IARS1: variants seen among roughly 807,000 people sequenced by gnomAD.
The protein encoded by IARS1 is isoleucyl-tRNA synthetase 1.
IARS1 carries 124 observed loss-of-function variants against 168.2 expected under a neutral mutation model. The ratio of observed to expected loss-of-function variants is 0.74; its 90% CI spans 0.64 to 0.86. IARS1 has a LOEUF of 0.86. IARS1 is among the 40% of genes least tolerant of loss of function. The pLI, the probability that IARS1 is intolerant of heterozygous loss-of-function variation, is 0.00. For synonymous variants in IARS1, 532 were observed against 529.4 expected (o/e 1.00, Z -0.07); for missense variants, 1,452 against 1,515.8 (o/e 0.96, Z 0.70).
intron 18 of IARS1, among the ~76,000 whole-genome samples, chr9:92,259,915 A>T (rs144704612): frequency 6.6e-6 from 1 of 152,256 alleles, no homozygotes; most frequent in East Asian, 1.9e-4. Context: ...GCTCAACAAC[A>T]CCCAACACAG....
At chr9:92,238,883 C>G (rs1340939753) in intron 30 of IARS1, among the ~76,000 whole-genome samples, 1 of 152,092 alleles carries the variant, frequency 6.6e-6, no homozygotes. Context: ...CTTAATGTTG[C>G]TGGTAGGTTC....
At chr9:92,230,148 T>C (rs1305719209) in intron 30 of IARS1, among the ~76,000 whole-genome samples, 1 of 152,130 alleles carries the variant, frequency 6.6e-6, no homozygotes, top group East Asian at 1.9e-4. Context: ...TTTAGCTTTG[T>C]CGCTCAGGCT....
At chr9:92,224,513 C>T (rs1436923009) in intron 31 of IARS1, among the ~76,000 whole-genome samples, 2 of 152,166 alleles carry the variant, frequency 1.3e-5, no homozygotes, top group South Asian at 2.1e-4. Flanking sequence ...GGACAGATCT[C>T]TACAAATGGG....
chr9:92,215,211 CCTGT>C (rs1838454342), intron 33 of IARS1, among the ~76,000 whole-genome samples: 1 of 152,184 alleles, frequency 6.6e-6, no homozygotes, highest in South Asian at 2.1e-4. Flanking sequence ...AGTTGAGGGT[CCTGT>C]CTGTCAGAAG....
rs886037875 is a variant in IARS1 at position 92,278,272 on chromosome 9, G to A, written c.760C>T (p.Arg254Ter). 4.3e-6 allele frequency: 7 copies of A among 1,610,486 alleles called. No individual in the cohort carries two copies. Among genetic ancestry groups the A allele is most frequent in the East Asian group, 2.2e-5 (1 of 44,852 alleles). ...CTGGCTTCCATTAAAATGAGTAATC[G>A]TCCTCTGGCAACATCTACGAGAAAA... Reference protein sequence around the residue: ...YVKIKDVARGRLLILMEARLS... With the variant: ...YVKIKDVARG Residue 254 changes from arginine to a stop codon, truncating the protein, a stop_gained, in exon 8 of 34, where the codon CGA (arginine) becomes TGA (stop). Transcript: ENST00000443024. LOFTEE classifies it high-confidence loss of function.
Position 92,228,993 on chromosome 9 carries a change from C to G in IARS1, c.3409+8G>C. The G allele has an allele frequency of 6.2e-7, 1 of 1,613,978 alleles. No individual in the cohort carries two copies. The highest frequency in any genetic ancestry group is 8.5e-7 in the Non-Finnish European group (1 of 1,179,998). ...AAAGGACGTAGGCTCCTCTCACTTT[C>G]CACATACCTGTTTCATCATGGAAGA... On this transcript the variant is annotated splice_region_variant and intron_variant, in intron 31 of 33. Transcript: ENST00000443024.
intron 10 of IARS1, among the ~76,000 whole-genome samples, chr9:92,273,325 G>A (rs1456231833): frequency 6.6e-6 from 1 of 152,068 alleles, no homozygotes; most frequent in East Asian, 1.9e-4. Flanking sequence ...CCAGGTATTA[G>A]GTGATTATTA....
At position 92,234,406 on chromosome 9, in the gene IARS1, C is replaced by A. The variant is rs944098101; in HGVS notation, c.3284-5280G>T. Among the ~76,000 whole-genome samples, 7 of 152,286 alleles carry A rather than the reference C, an allele frequency of 4.6e-5. 1 individual carries two copies. The Middle Eastern group carries it at 0.02, about 444-fold the overall frequency. On this transcript the variant is annotated intron_variant, in intron 30 of 33. Transcript: ENST00000443024. ...ATCAAATCATATTAAGGCAGACGAC[C>A]AAGCTGTGGCTGCATTTAAAGCTAT...
At chr9:92,273,877 A>G (rs1318991453) in intron 10 of IARS1, among the ~76,000 whole-genome samples, 1 of 152,254 alleles carries the variant, frequency 6.6e-6, no homozygotes, top group Non-Finnish European at 1.5e-5. Context: ...GAGGCAAAAG[A>G]AGTCCAGATA....
intron 25 of IARS1, 87 bp from the exon 26 acceptor site, chr9:92,247,638 T>TAACTGCC (rs1829414894): frequency 2.6e-6 from 3 of 1,175,070 alleles, no homozygotes; most frequent in Non-Finnish European, 3.6e-6. Context: ...GCATTATTCC[T>TAACTGCC]AACTGCCAGA....
chr9:92,254,005 G>A (rs1830384235), intron 20 of IARS1: 1 of 411,558 alleles, frequency 2.4e-6, no homozygotes, highest in Admixed American at 2.6e-5. Context: ...CGGTGCTACT[G>A]GAATCTAATG....
rs1179366891 is a variant in IARS1, at chr9:92,256,743, T to C, written c.2074A>G (p.Thr692Ala). Residue 692 changes from threonine to alanine, a missense_variant, in exon 20 of 34, where the codon ACA becomes GCA. By Grantham distance (58) the Thr-to-Ala change is moderately conservative. Transcript: ENST00000443024. ...ATGAAGGACAGGATCCACCGGTCTG[T>C]AATGTTGGGGCTTTCTCTAACCGTG... ...ENTVRESPNI[T>A]DRWILSFMQS... The C allele has an allele frequency of 1.2e-6, 2 of 1,613,916 alleles. No individual in the cohort carries two copies. The highest frequency in any genetic ancestry group is 1.1e-5 in the South Asian group (1 of 91,070).
intron 33 of IARS1, among the ~76,000 whole-genome samples, chr9:92,215,796 C>T (rs376225742): frequency 0.066 from 9,981 of 151,426 alleles, 398 homozygotes; most frequent in Non-Finnish European, 0.082. Context: ...CTACGTCTGA[C>T]TGGTGTACCT....
chr9:92,234,832 C>T (rs1318718863), intron 30 of IARS1, among the ~76,000 whole-genome samples: 1 of 151,992 alleles, frequency 6.6e-6, no homozygotes, highest in African/African-American at 2.4e-5. Context: ...CATCTTAAAA[C>T]CAGGCAATAT....
chr9:92,256,645 C>T lies in IARS1; in HGVS notation c.2137+35G>A, dbSNP rs184105756. 5,555 of 1,593,760 alleles carry T rather than the reference C, an allele frequency of 3.5e-3. 9 individuals carry two copies. The highest frequency in any genetic ancestry group is 4.1e-3 in the Non-Finnish European group (4,747 of 1,167,772). ...AAGGGCAGTTACAAAGAGAATAGTC[C>T]TTATTCCTGGGAGGACAGACCAAGA... is the stretch of plus-strand genomic sequence containing the variant. On this transcript the variant is annotated intron_variant, in intron 20 of 33. Coordinates refer to ENST00000443024, the MANE Select transcript of IARS1 (RefSeq NM_002161.6).
chr9:92,232,062 A>T (rs1488140360), intron 30 of IARS1, among the ~76,000 whole-genome samples: 2 of 152,232 alleles, frequency 1.3e-5, no homozygotes, highest in African/African-American at 4.8e-5. Flanking sequence ...GTGCAGCAAA[A>T]AAACAAAAAA....
At chr9:92,257,514 C>T (rs1830889230) in intron 19 of IARS1, among the ~76,000 whole-genome samples, 1 of 152,180 alleles carries the variant, frequency 6.6e-6, no homozygotes, top group African/African-American at 2.4e-5. Context: ...GACTGTTTGC[C>T]CTACTTGGCA....
rs139372495 is a variant in IARS1 at position 92,243,832 on chromosome 9, A to C, written c.2905-521T>G. Among the ~76,000 whole-genome samples the C allele has an allele frequency of 4.9e-4, 75 of 152,298 alleles. No homozygotes were observed. The East Asian group carries it at 0.011, about 23-fold the overall frequency. ...GGACCACAAAACTTTCTGTGACTTA[A>C]ACTGCCATATTTTTGCTAAGGTTAA... On this transcript the variant is annotated intron_variant, in intron 27 of 33. Transcript: ENST00000443024.
intron 21 of IARS1, among the ~76,000 whole-genome samples, chr9:92,253,021 C>T (rs1410035890): frequency 6.6e-6 from 1 of 151,888 alleles, no homozygotes. Context: ...AATATTAATG[C>T]CATATCTACC....
Sources: allele counts gnomAD v4.1 joint callset (sites outside exome capture counted in the v4.1 genomes callset), GRCh38; gene constraint gnomAD v4.1.1; transcripts MANE v1.5; gene names NCBI Gene and HGNC (gene_info 2026-07-23, HGNC 2026-07-21).